Variants in XKR4 observed in about 807,000 individuals in gnomAD.
The protein encoded by XKR4 is XK related 4, also known as XK-related protein 4.
A neutral mutation model predicts 53.9 loss-of-function variants in XKR4; 12 were observed. The observed-to-expected ratio is 0.22, with a 90% CI of 0.14 to 0.36. XKR4 has a LOEUF of 0.36. Ranked by LOEUF, XKR4 falls within the 10% of genes least tolerant of loss-of-function variation. The pLI is 1.00. For missense variants in XKR4, 799 were observed against 859.5 expected, an observed-to-expected ratio of 0.93 and a Z score of 0.88; for synonymous variants, 354 against 362.4, an observed-to-expected ratio of 0.98 and a Z score of 0.26.
At chr8:55,139,715 G>A (rs1235762023) in intron 1 of XKR4, among the ~76,000 whole-genome samples, 3 of 151,302 alleles carry the variant, frequency 2.0e-5, no homozygotes, top group African/African-American at 4.9e-5. Context: ...AGAGAATACT[G>A]AACTCCTGAA....
intron 1 of XKR4, among the ~76,000 whole-genome samples, chr8:55,326,291 G>C (rs1384399585): frequency 6.6e-6 from 1 of 152,158 alleles, no homozygotes; most frequent in Non-Finnish European, 1.5e-5. Context: ...GCCCTGTCAT[G>C]AGTGCTTGAC....
chr8:55,461,539 A>C (rs1239195910), intron 2 of XKR4, among the ~76,000 whole-genome samples: 2 of 152,230 alleles, frequency 1.3e-5, no homozygotes, highest in African/African-American at 4.8e-5. Flanking sequence ...ACAGAGCAGA[A>C]AAACCAGAAA....
chr8:55,228,450 T>TC (rs1310358500), intron 1 of XKR4, among the ~76,000 whole-genome samples: 1 of 152,222 alleles, frequency 6.6e-6, no homozygotes, highest in Non-Finnish European at 1.5e-5. Context: ...TTAGAATCCT[T>TC]GAAGAATGTC....
intron 1 of XKR4, among the ~76,000 whole-genome samples, chr8:55,209,203 A>ATGTGTG (rs77094773): frequency 0.043 from 6,406 of 149,270 alleles, 168 homozygotes; most frequent in Middle Eastern, 0.068. Context: ...CAGTGTGTTT[A>ATGTGTG]TGTGTGTGTG....
chr8:55,406,063 G>A (rs1329058666), intron 2 of XKR4, among the ~76,000 whole-genome samples: 1 of 152,216 alleles, frequency 6.6e-6, no homozygotes, highest in Non-Finnish European at 1.5e-5. Flanking sequence ...ATGATGAGAT[G>A]TCTCTGTTCC....
In XKR4 at chr8:55,523,747, G is replaced by A; in HGVS notation, c.1473G>A (p.Ala491=). The change falls in exon 3 of 3, where the codon GCG becomes GCA. Residue 491 remains alanine, a synonymous_variant. Coordinates refer to ENST00000327381, the MANE Select transcript of XKR4 (RefSeq NM_052898.2). ...PQIADAFAIP[A]LCVVFSSFLT... ...TTGCAGACGCATTTGCCATTCCAGC[G>A]CTGTGTGTGGTGTTCAGCAGCTTTT... is the stretch of plus-strand genomic sequence containing the variant. 5 of 1,614,148 alleles carry A rather than the reference G, an allele frequency of 3.1e-6. No homozygotes were observed. Among genetic ancestry groups the A allele is most frequent in the Non-Finnish European group, 4.2e-6 (5 of 1,180,034 alleles).
chr8:55,229,036 A>C (rs1406993673), intron 1 of XKR4, among the ~76,000 whole-genome samples: 2 of 152,246 alleles, frequency 1.3e-5, no homozygotes, highest in Non-Finnish European at 2.9e-5. Context: ...CAACAACAAC[A>C]AAAATACTCC....
chr8:55,484,485 G>T (rs1276965098), intron 2 of XKR4, among the ~76,000 whole-genome samples: 1 of 152,086 alleles, frequency 6.6e-6, no homozygotes, highest in Non-Finnish European at 1.5e-5. Context: ...AACCAAGCAG[G>T]GTTTGTACTA....
At chr8:55,394,396 A>T (rs1047237464) in intron 2 of XKR4, among the ~76,000 whole-genome samples, 3 of 152,248 alleles carry the variant, frequency 2.0e-5, no homozygotes, top group African/African-American at 4.8e-5. Context: ...AATAGCTCTC[A>T]TAAGAGCCAA....
In XKR4 at chr8:55,488,459, G is replaced by A. The variant is rs9694136; in HGVS notation, c.1007-34822G>A. On this transcript the variant is annotated intron_variant, in intron 2 of 2. Coordinates refer to ENST00000327381, the MANE Select transcript of XKR4 (RefSeq NM_052898.2). ...TAGGATGTCCTTTGATAGATAAATA[G>A]ATAAACTGTGGTACATCCAGACAAT... Among the ~76,000 whole-genome samples, 42 of 136,438 alleles carry A rather than the reference G, an allele frequency of 3.1e-4. 1 individual carries two copies. Among genetic ancestry groups the A allele is most frequent in the African/African-American group, 1.2e-3 (41 of 32,958 alleles). The allele number at this position is 136,438 out of a possible 152,430, so 89.5% of individuals were successfully genotyped here.
intron 1 of XKR4, among the ~76,000 whole-genome samples, chr8:55,327,397 T>C (rs192550484): frequency 4.6e-5 from 7 of 151,986 alleles, no homozygotes; most frequent in African/African-American, 7.2e-5. Context: ...TTTTATGCTA[T>C]CCCCAAATCA....
chr8:55,476,907 G>T (rs1805997308), intron 2 of XKR4, among the ~76,000 whole-genome samples: 1 of 152,114 alleles, frequency 6.6e-6, no homozygotes, highest in South Asian at 2.1e-4. Flanking sequence ...GCTCGAACTG[G>T]GTGGAGCCCA....
At chr8:55,411,103 C>G (rs1397623959) in intron 2 of XKR4, among the ~76,000 whole-genome samples, 1 of 152,222 alleles carries the variant, frequency 6.6e-6, no homozygotes, top group Admixed American at 6.5e-5. Context: ...TGGTCTTGTA[C>G]TAACATTAGT....
chr8:55,443,154 A>G (rs933674375), intron 2 of XKR4, among the ~76,000 whole-genome samples: 7 of 152,204 alleles, frequency 4.6e-5, no homozygotes, highest in African/African-American at 1.4e-4. Flanking sequence ...GATATATAAA[A>G]CAGCAAAGGA....
At chr8:55,351,034 C>A (rs903991959) in intron 1 of XKR4, among the ~76,000 whole-genome samples, 1 of 152,114 alleles carries the variant, frequency 6.6e-6, no homozygotes, top group African/African-American at 2.4e-5. Context: ...AGCCACCATG[C>A]CCAGCCAGTG....
intron 2 of XKR4, among the ~76,000 whole-genome samples, chr8:55,421,967 C>T (rs186755816): frequency 6.6e-6 from 1 of 152,166 alleles, no homozygotes; most frequent in African/African-American, 2.4e-5. Flanking sequence ...CACCTTTCTG[C>T]ACTTACACCA....
chr8:55,328,421 T>G (rs1322488474), intron 1 of XKR4, among the ~76,000 whole-genome samples: 2 of 152,186 alleles, frequency 1.3e-5, no homozygotes, highest in African/African-American at 4.8e-5. Flanking sequence ...TTATTCCTAA[T>G]GGATCATTGT....
intron 1 of XKR4, among the ~76,000 whole-genome samples, chr8:55,133,509 T>G (rs980167437): frequency 1.3e-5 from 2 of 152,220 alleles, no homozygotes; most frequent in Admixed American, 1.3e-4. Context: ...AAATGCTGCT[T>G]CATGAATAGG....
chr8:55,118,661 CT>C (rs1460284893), intron 1 of XKR4, among the ~76,000 whole-genome samples: 1 of 152,202 alleles, frequency 6.6e-6, no homozygotes, highest in African/African-American at 2.4e-5. Context: ...AAAGAATTCC[CT>C]TGTTCCCGTT....
Sources: gnomAD v4.1 joint callset for allele counts (sites outside exome capture counted in the v4.1 genomes callset) on GRCh38, gnomAD v4.1.1 for gene constraint, MANE v1.5 for transcripts, NCBI Gene and HGNC (gene_info 2026-07-23, HGNC 2026-07-21) for gene names.